Variants in TAFA2 observed in about 807,000 individuals in gnomAD.
The protein encoded by TAFA2 is chemokine-like protein TAFA-2.
Under a neutral mutation model 18.8 loss-of-function variants are expected in TAFA2, and 7 were observed. The observed-to-expected ratio is 0.37, with a 90% confidence interval of 0.21 to 0.70. The LOEUF (loss-of-function observed/expected upper bound fraction) is 0.70. Among genes scored for constraint, TAFA2 ranks in the 30% least tolerant of loss-of-function variants. TAFA2 has a pLI of 0.53. For missense variants in TAFA2, 122 were observed against 158.1 expected (o/e 0.77, Z 1.23); for synonymous variants, 60 against 54.2 (o/e 1.11, Z -0.47).
intron 1 of TAFA2, among the ~76,000 whole-genome samples, chr12:61,926,786 C>T (rs187668134): frequency 1.3e-5 from 2 of 152,022 alleles, no homozygotes; most frequent in Non-Finnish European, 2.9e-5. Flanking sequence ...AAAATGGGCA[C>T]AAGAGGGCAG....
intron 1 of TAFA2, among the ~76,000 whole-genome samples, chr12:62,133,984 T>G (rs1287320535): frequency 6.6e-6 from 1 of 152,034 alleles, no homozygotes; most frequent in Non-Finnish European, 1.5e-5. Context: ...ACTCCTAGAT[T>G]ATTACACTCC....
intron 1 of TAFA2, among the ~76,000 whole-genome samples, chr12:62,168,213 T>C (rs1232332413): frequency 6.6e-6 from 1 of 152,180 alleles, no homozygotes; most frequent in Non-Finnish European, 1.5e-5. Context: ...AATCATAGAA[T>C]TCTTATATCA....
chr12:61,760,383 T>TATATATATATATATATATATATATATAC (rs1565624642), intron 2 of TAFA2, among the ~76,000 whole-genome samples: 1 of 147,310 alleles, frequency 6.8e-6, no homozygotes, highest in African/African-American at 2.5e-5. Flanking sequence ...TATATATATA[T>TATATATATATATATATATATATATATAC]GCGCCAGTAA....
rs2062441554 is a variant in TAFA2, at chr12:62,166,557, C to CT, written c.-2+24701dup. On this transcript the variant is annotated intron_variant, in intron 1 of 4. Coordinates refer to ENST00000416284, the MANE Select transcript of TAFA2 (RefSeq NM_178539.5). ...TGCTTCCTTTCCCTTTTTTTCTCAT[C>CT]TTTTTCCCTTTCCCCTCTGTTTGCT... 2.6e-5 allele frequency among the ~76,000 whole-genome samples: 4 copies of CT among 151,968 alleles called. No homozygotes were observed. The South Asian group carries it at 8.3e-4, about 32-fold the overall frequency.
intron 1 of TAFA2, among the ~76,000 whole-genome samples, chr12:62,215,857 G>T (rs1051118778): frequency 6.6e-6 from 1 of 151,554 alleles, no homozygotes; most frequent in Non-Finnish European, 1.5e-5. Flanking sequence ...TATAATAGCA[G>T]CTACTCTAAT....
intron 4 of TAFA2, among the ~76,000 whole-genome samples, chr12:61,752,686 G>T (rs1869075593): frequency 6.6e-6 from 1 of 151,860 alleles, no homozygotes. Flanking sequence ...ATATTACTTG[G>T]CAGACTAAAT....
At chr12:62,082,421 A>G (rs901479691) in intron 1 of TAFA2, among the ~76,000 whole-genome samples, 1 of 152,080 alleles carries the variant, frequency 6.6e-6, no homozygotes, top group Non-Finnish European at 1.5e-5. Context: ...GTAAGCAGCT[A>G]TTTTTTTAAG....
Position 61,986,193 on chromosome 12 carries a change from C to A in TAFA2, c.-1-118767G>T, listed in dbSNP as rs527829524. ...TTTTTTTTTTTTTTTTTTTGTCTCA[C>A]TCACTCACTCGCCCAGGCTGGAGTT... On this transcript the variant is annotated intron_variant, in intron 1 of 4. Transcript: ENST00000416284. Among the ~76,000 whole-genome samples, 15 of 106,082 alleles carry A rather than the reference C, an allele frequency of 1.4e-4. No individual in the cohort carries two copies. The East Asian group carries it at 4.0e-3, about 29-fold the overall frequency. The allele number at this position is 106,082 out of a possible 152,430, so 69.6% of individuals were successfully genotyped here. A position where few individuals can be genotyped will look rare whatever the true frequency, so the allele number is the denominator to read the frequency against.
At chr12:61,815,346 T>G (rs1440001191) in intron 2 of TAFA2, among the ~76,000 whole-genome samples, 1 of 151,446 alleles carries the variant, frequency 6.6e-6, no homozygotes, top group African/African-American at 2.5e-5. Context: ...TTCAGATGCC[T>G]ATTAGACATT....
chr12:62,252,018 C>A (rs1346356759), intron 1 of TAFA2: 1 of 152,178 alleles, frequency 6.6e-6, no homozygotes, highest in Admixed American at 6.5e-5. Context: ...AGAAAGTTAG[C>A]GAGATACATA....
intron 1 of TAFA2, among the ~76,000 whole-genome samples, chr12:62,035,539 A>G (rs904721419): frequency 2.1e-5 from 3 of 145,470 alleles, no homozygotes; most frequent in Non-Finnish European, 4.5e-5. Flanking sequence ...TACAAAAGCC[A>G]TAAAATAAAA....
At chr12:61,818,009 C>T (rs1268081753) in intron 2 of TAFA2, among the ~76,000 whole-genome samples, 1 of 152,134 alleles carries the variant, frequency 6.6e-6, no homozygotes, top group South Asian at 2.1e-4. Flanking sequence ...GCAGACTCTC[C>T]CCAGTGTCCA....
chr12:61,720,132 T>C (rs1440899258), intron 4 of TAFA2, among the ~76,000 whole-genome samples: 1 of 152,104 alleles, frequency 6.6e-6, no homozygotes, highest in Non-Finnish European at 1.5e-5. Flanking sequence ...TTCCAAAGTG[T>C]GTCAAAATAT....
At position 62,165,109 on chromosome 12, in the gene TAFA2, G is replaced by T. The variant is rs76220112; in HGVS notation, c.-2+26150C>A. ...GTCTCTCATATAAAACATACAGAGG[G>T]CGAGACTTCACATATCTTCAGATAG... is the stretch of plus-strand genomic sequence containing the variant. On this transcript the variant is annotated intron_variant, in intron 1 of 4. Transcript: ENST00000416284. 1.9e-3 allele frequency among the ~76,000 whole-genome samples: 295 copies of T among 152,106 alleles called. 2 individuals carry two copies. Among genetic ancestry groups the T allele is most frequent in the African/African-American group, 5.8e-3 (240 of 41,540 alleles).
At chr12:61,745,262 C>T (rs1325300666) in intron 4 of TAFA2, among the ~76,000 whole-genome samples, 1 of 152,026 alleles carries the variant, frequency 6.6e-6, no homozygotes, top group Non-Finnish European at 1.5e-5. Context: ...TGGCAAATCC[C>T]TCATTCTATT....
chr12:61,749,112 A>C (rs893086954), intron 4 of TAFA2, among the ~76,000 whole-genome samples: 75 of 150,368 alleles, frequency 5.0e-4, no homozygotes, highest in Middle Eastern at 3.5e-3. Context: ...CTAAAAATAA[A>C]AAAAAAAAAA....
intron 1 of TAFA2, among the ~76,000 whole-genome samples, chr12:62,248,830 C>T (rs888275002): frequency 6.6e-6 from 1 of 152,076 alleles, no homozygotes; most frequent in African/African-American, 2.4e-5. Context: ...AGTACATTAA[C>T]ATTGTTGTGC....
intron 1 of TAFA2, among the ~76,000 whole-genome samples, chr12:62,037,171 C>G (rs1428454054): frequency 6.6e-6 from 1 of 152,188 alleles, no homozygotes; most frequent in Non-Finnish European, 1.5e-5. Flanking sequence ...CTACCTCCAG[C>G]CTTCATCTTT....
At chr12:62,234,642 C>T (rs2062827483) in intron 1 of TAFA2, 1 of 859,194 alleles carries the variant, frequency 1.2e-6, no homozygotes, top group Non-Finnish European at 2.0e-6. Flanking sequence ...GCACTGGTGG[C>T]TAACAAGGTA....
Sources: allele counts gnomAD v4.1 joint callset (sites outside exome capture counted in the v4.1 genomes callset), GRCh38; gene constraint gnomAD v4.1.1; transcripts MANE v1.5; gene names NCBI Gene and HGNC (gene_info 2026-07-23, HGNC 2026-07-21).